Variants in ST3GAL3 observed in about 807,000 individuals in gnomAD.
ST3GAL3 encodes ST3 beta-galactoside alpha-2,3-sialyltransferase 3.
A neutral mutation model predicts 50.1 loss-of-function variants in ST3GAL3; 21 were observed. The observed-to-expected ratio is 0.42, with a 90% confidence interval of 0.30 to 0.60. The LOEUF is 0.60. ST3GAL3 is among the 20% of genes least tolerant of loss of function. The probability of loss-of-function intolerance (pLI) is 0.19; values close to 1 mark genes in which losing one functional copy is unlikely to be tolerated. For missense variants in ST3GAL3, 353 were observed against 489.4 expected (o/e 0.72, Z 2.63); for synonymous variants, 183 against 190.0 (o/e 0.96, Z 0.30).
At chr1:43,729,995 T>C (rs1284940582) in intron 1 of ST3GAL3, among the ~76,000 whole-genome samples, 1 of 152,242 alleles carries the variant, frequency 6.6e-6, no homozygotes, top group Non-Finnish European at 1.5e-5. Flanking sequence ...TGTCAGACTT[T>C]TGTCCTAGCG....
At chr1:43,892,898 T>C (rs1405104206) in intron 5 of ST3GAL3, among the ~76,000 whole-genome samples, 1 of 152,200 alleles carries the variant, frequency 6.6e-6, no homozygotes, top group African/African-American at 2.4e-5. Context: ...CCTCAGAGCC[T>C]CTGGCAAAAC....
chr1:43,834,390 C>T (rs1047581452), intron 4 of ST3GAL3, among the ~76,000 whole-genome samples: 5 of 152,172 alleles, frequency 3.3e-5, no homozygotes, highest in Admixed American at 2.6e-4. Flanking sequence ...TTGTCTCTTC[C>T]TGTTTTCTCT....
chr1:43,826,070 A>G (rs1222049930), intron 4 of ST3GAL3, among the ~76,000 whole-genome samples: 1 of 151,934 alleles, frequency 6.6e-6, no homozygotes, highest in Non-Finnish European at 1.5e-5. Flanking sequence ...ACTTGAGACC[A>G]GCCTGGGCAA....
intron 5 of ST3GAL3, among the ~76,000 whole-genome samples, chr1:43,893,896 A>G (rs1163675906): frequency 6.6e-6 from 1 of 151,920 alleles, no homozygotes; most frequent in Non-Finnish European, 1.5e-5. Context: ...TTGCCCTCTC[A>G]CCATGAATTC....
chr1:43,721,221 T>A (rs964290317), intron 1 of ST3GAL3, among the ~76,000 whole-genome samples: 12 of 146,370 alleles, frequency 8.2e-5, no homozygotes, highest in Admixed American at 1.4e-4. Flanking sequence ...CTCTAGCCTG[T>A]GCAACAGAGC....
intron 9 of ST3GAL3, among the ~76,000 whole-genome samples, chr1:43,917,770 C>T (rs1036924211): frequency 4.5e-4 from 64 of 143,422 alleles, no homozygotes; most frequent in African/African-American, 1.5e-3. Flanking sequence ...CAGGTTCAAG[C>T]GATCCTCCCA....
At chr1:43,756,647 G>T (rs1270726741) in intron 2 of ST3GAL3, among the ~76,000 whole-genome samples, 4 of 152,028 alleles carry the variant, frequency 2.6e-5, no homozygotes, top group African/African-American at 9.7e-5. Context: ...GTGAAGACTT[G>T]ATTTATATTA....
chr1:43,819,433 A>AT (rs1156485336), intron 4 of ST3GAL3, among the ~76,000 whole-genome samples: 5 of 152,000 alleles, frequency 3.3e-5, no homozygotes, highest in Admixed American at 1.3e-4. Context: ...ATGCTCTTTG[A>AT]TTTTTTCCCC....
Position 43,858,711 on chromosome 1 carries a change from C to T in ST3GAL3, c.302+20400C>T, listed in dbSNP as rs540912284. Among the ~76,000 whole-genome samples, 161 of 152,326 alleles carry T rather than the reference C, an allele frequency of 1.1e-3. 1 individual carries two copies. The highest frequency in any genetic ancestry group is 1.8e-3 in the Non-Finnish European group (123 of 68,018). ...AAGTCCCAGCGATGAGGCAGCAGCTCAGCAGAGAGCAAGATGCTGGCACCT... is the reference window on the plus strand; with the variant it reads ...AAGTCCCAGCGATGAGGCAGCAGCTTAGCAGAGAGCAAGATGCTGGCACCT... On this transcript the variant is annotated intron_variant, in intron 5 of 11. Transcript: ENST00000347631.
At chr1:43,911,322 C>CTTTTTT (rs998894581) in intron 9 of ST3GAL3, 3 of 134,988 alleles carry the variant, frequency 2.2e-5, no homozygotes, top group South Asian at 2.3e-4. Flanking sequence ...ATTTCTTTTT[C>CTTTTTT]TTTTTTTTTT....
At chr1:43,814,440 A>G (rs755738929) in intron 3 of ST3GAL3, among the ~76,000 whole-genome samples, 7 of 152,220 alleles carry the variant, frequency 4.6e-5, no homozygotes, top group Non-Finnish European at 8.8e-5. Context: ...TATGATGACC[A>G]TGAAGAGAAT....
intron 4 of ST3GAL3, among the ~76,000 whole-genome samples, chr1:43,833,997 C>T (rs969278801): frequency 6.6e-6 from 1 of 152,076 alleles, no homozygotes; most frequent in Admixed American, 6.5e-5. Context: ...CTTGTCTCTA[C>T]TAAAAATGCA....
intron 1 of ST3GAL3, among the ~76,000 whole-genome samples, chr1:43,730,571 C>CTTTT (rs11318191): frequency 1.5e-4 from 18 of 122,370 alleles, no homozygotes; most frequent in South Asian, 2.6e-4. Flanking sequence ...TCTTTTCTTT[C>CTTTT]TTTTTTTTTT....
chr1:43,856,244 A>G (rs1003448145), intron 5 of ST3GAL3, among the ~76,000 whole-genome samples: 2 of 152,266 alleles, frequency 1.3e-5, no homozygotes, highest in Admixed American at 6.5e-5. Flanking sequence ...GTGTTTTTAC[A>G]TACACACACA....
At chr1:43,802,775 G>A (rs2059450998) in intron 3 of ST3GAL3, among the ~76,000 whole-genome samples, 1 of 152,232 alleles carries the variant, frequency 6.6e-6, no homozygotes, top group Non-Finnish European at 1.5e-5. Flanking sequence ...TCTCAGTAAT[G>A]AAAGTGAGCA....
chr1:43,796,866 A>C (rs1006728645), intron 3 of ST3GAL3, among the ~76,000 whole-genome samples: 1 of 152,256 alleles, frequency 6.6e-6, no homozygotes, highest in African/African-American at 2.4e-5. Context: ...TGTTGAAATG[A>C]ATAGAAAACT....
chr1:43,761,901 A>G (rs1301561537), intron 2 of ST3GAL3, among the ~76,000 whole-genome samples: 3 of 145,504 alleles, frequency 2.1e-5, no homozygotes, highest in Admixed American at 1.4e-4. Context: ...CAGTGAGCCA[A>G]GATGGCACCA....
At chr1:43,860,852 CA>C (rs1251962716) in intron 5 of ST3GAL3, among the ~76,000 whole-genome samples, 2 of 152,242 alleles carry the variant, frequency 1.3e-5, no homozygotes, top group African/African-American at 4.8e-5. Flanking sequence ...GGCCTAATTT[CA>C]GACCTTTTCT....
At chr1:43,868,573 C>G (rs2154243371) in intron 5 of ST3GAL3, among the ~76,000 whole-genome samples, 1 of 152,280 alleles carries the variant, frequency 6.6e-6, no homozygotes, top group Non-Finnish European at 1.5e-5. Flanking sequence ...AGGGCACCTA[C>G]TGGGCAGTTC....
Sources: gnomAD v4.1 joint callset for allele counts (sites outside exome capture counted in the v4.1 genomes callset) on GRCh38, gnomAD v4.1.1 for gene constraint, MANE v1.5 for transcripts, NCBI Gene and HGNC (gene_info 2026-07-23, HGNC 2026-07-21) for gene names.